Variants in CDON observed in about 807,000 individuals in gnomAD.
CDON encodes the protein cell adhesion associated, oncogene regulated.
A neutral mutation model predicts 120.9 loss-of-function variants in CDON; 73 were observed. That is an observed-to-expected ratio of 0.60 (90% confidence interval 0.50 to 0.73). CDON has a LOEUF of 0.73. Among genes scored for constraint, CDON ranks in the 30% least tolerant of loss-of-function variants. CDON has a pLI of 0.00. For synonymous variants in CDON, 566 were observed against 573.5 expected (o/e 0.99, Z 0.19); for missense variants, 1,470 against 1,587.3 (o/e 0.93, Z 1.26).
In CDON at chr11:126,062,563, A is replaced by G; in HGVS notation, c.-62+16T>C. 1 of 149,790 alleles carries G rather than the reference A, an allele frequency of 6.7e-6. No homozygotes were observed. The highest frequency in any genetic ancestry group is 1.5e-5 in the Non-Finnish European group (1 of 67,514). 9.3% of individuals were successfully genotyped at this position (149,790 alleles called of 1,614,324 possible). ...CCCCTCCCTCCGACCCTGCGGCGGG[A>G]CCCCCACCCCCGCACCTCTCCGCGG... is the stretch of plus-strand genomic sequence containing the variant. On this transcript the variant is annotated intron_variant, in intron 1 of 19. Transcript: ENST00000531738.
In CDON at chr11:125,994,347, A is replaced by G. The variant is rs1347039743; in HGVS notation, c.2587T>C (p.Tyr863His). 1 of 1,599,136 alleles carries G rather than the reference A, an allele frequency of 6.3e-7. No individual in the cohort carries two copies. Among genetic ancestry groups the G allele is most frequent in the Non-Finnish European group, 8.6e-7 (1 of 1,166,432 alleles). Reference protein sequence around the residue: ...SNNNTPIQGFYIYYRPTDSDN... With the variant: ...SNNNTPIQGFHIYYRPTDSDN... ...CTATCTGTTGGTCGGTAATAGATAT[A>G]AAATCCTTGAATGGGAGTGTTATTG... The change falls in exon 14 of 20, where the codon TAT becomes CAT. Residue 863 changes from tyrosine (Y) to histidine (H), a missense_variant. Physicochemically the swap from Tyr to His is moderately conservative, Grantham distance 83. Transcript: ENST00000531738.
chr11:125,971,343 A>G (rs1228118827), intron 18 of CDON, among the ~76,000 whole-genome samples: 1 of 152,012 alleles, frequency 6.6e-6, no homozygotes, highest in South Asian at 2.1e-4. Flanking sequence ...AGATCGCACC[A>G]CTGCACTCCA....
chr11:126,006,236 T>C (rs1438111468), intron 8 of CDON, among the ~76,000 whole-genome samples, 179 bp from the exon 9 acceptor site: 1 of 152,216 alleles, frequency 6.6e-6, no homozygotes, highest in Admixed American at 6.5e-5. Context: ...TTGCAATCTT[T>C]TCTCATGGTG....
At chr11:125,962,102 T>C (rs1945662910) in intron 18 of CDON, 104 bp from the exon 19 acceptor site, 7 of 892,124 alleles carry the variant, frequency 7.8e-6, no homozygotes, top group Admixed American at 4.0e-5. Context: ...TCACAGACTC[T>C]TAAGAAAGAG....
intron 1 of CDON, among the ~76,000 whole-genome samples, chr11:126,056,050 C>A (rs893661051): frequency 2.0e-5 from 3 of 152,142 alleles, no homozygotes; most frequent in African/African-American, 7.2e-5. Context: ...CCATAAAAGC[C>A]TATTTCATGG....
At chr11:126,052,245 A>G (rs935174771) in intron 1 of CDON, among the ~76,000 whole-genome samples, 5 of 152,198 alleles carry the variant, frequency 3.3e-5, no homozygotes, top group Admixed American at 6.5e-5. Flanking sequence ...AATTTAAAAC[A>G]TGGTGACTAG....
chr11:125,981,351 G>C, intron 16 of CDON, 22 bp from the exon 17 acceptor site: 2 of 1,604,528 alleles, frequency 1.2e-6, no homozygotes, highest in Non-Finnish European at 1.7e-6. Context: ...GAACAAAAAA[G>C]ACACACACGC....
Position 125,981,963 on chromosome 11 carries a change from C to CTTTTT in CDON, c.2996-635_2996-634insAAAAA, listed in dbSNP as rs1565501813. On this transcript the variant is annotated intron_variant, in intron 16 of 19. Coordinates refer to ENST00000531738, the MANE Select transcript of CDON (RefSeq NM_001378964.1). ...GGAGTACCAAAGGCAAAAAGTGATT[C>CTTTTT]TATTTTCTTTTTTTTTTTTTTTTTT... Among the ~76,000 whole-genome samples the CTTTTT allele has an allele frequency of 8.1e-3, 275 of 34,094 alleles. 24 individuals carry two copies. Among genetic ancestry groups the CTTTTT allele is most frequent in the East Asian group, 0.017 (15 of 886 alleles). 22.4% of individuals were successfully genotyped at this position (34,094 alleles called of 152,430 possible).
chr11:125,984,069 T>C lies in CDON; in HGVS notation c.2798A>G (p.Glu933Gly), dbSNP rs540603585. The change falls in exon 16 of 20, where the codon GAA becomes GGA. Residue 933 changes from glutamate (E) to glycine (G), a missense_variant. Transcript: ENST00000531738. ...GGTACTCAAGTCTTTGACAGGATAT[T>C]CAGAAGCTCCAGGAACACGTTTCAC... ...TKVKRVPGAS[E>G]YPVKDLSTPP... is the part of the protein sequence containing the mutation. 6.2e-7 allele frequency: 1 copy of C among 1,613,312 alleles called. No homozygotes were observed. The highest frequency in any genetic ancestry group is 1.7e-5 in the Admixed American group (1 of 60,026).
intron 12 of CDON, among the ~76,000 whole-genome samples, chr11:125,996,329 G>C (rs1018674774): frequency 6.6e-6 from 1 of 152,042 alleles, no homozygotes; most frequent in Admixed American, 6.6e-5. Context: ...TCTACTAAAA[G>C]TTGAGTTTGT....
intron 8 of CDON, among the ~76,000 whole-genome samples, chr11:126,008,777 T>C (rs1947204409): frequency 6.6e-6 from 1 of 152,222 alleles, no homozygotes. Flanking sequence ...CGCACATTCA[T>C]TTATAGGTGC....
At chr11:126,042,569 T>G (rs1483182673) in intron 1 of CDON, among the ~76,000 whole-genome samples, 1 of 152,238 alleles carries the variant, frequency 6.6e-6, no homozygotes, top group Non-Finnish European at 1.5e-5. Context: ...TACCAATTAT[T>G]AGGTTTATAA....
At chr11:126,041,759 A>G (rs908439423) in intron 1 of CDON, among the ~76,000 whole-genome samples, 3 of 152,228 alleles carry the variant, frequency 2.0e-5, no homozygotes, top group Non-Finnish European at 4.4e-5. Flanking sequence ...TTTGGTAAAT[A>G]TGTAAGGAAA....
chr11:125,964,673 CG>C (rs1276281380), intron 18 of CDON, among the ~76,000 whole-genome samples: 2 of 151,560 alleles, frequency 1.3e-5, no homozygotes, highest in Non-Finnish European at 2.9e-5. Flanking sequence ...ATAAAAGACA[CG>C]GGGAGCAATT....
At chr11:126,031,766 C>A (rs777572231) in intron 1 of CDON, among the ~76,000 whole-genome samples, 2 of 152,088 alleles carry the variant, frequency 1.3e-5, no homozygotes, top group South Asian at 4.1e-4. Context: ...AGTTTGAATG[C>A]GAGGTAACTA....
chr11:125,980,403 A>C (rs1946263633), intron 17 of CDON, among the ~76,000 whole-genome samples: 2 of 152,238 alleles, frequency 1.3e-5, no homozygotes, highest in South Asian at 4.1e-4. Context: ...AAACAAAAGA[A>C]GCCCATGAAA....
At chr11:126,003,327 G>A (rs781085396) in intron 10 of CDON, among the ~76,000 whole-genome samples, 18 of 152,048 alleles carry the variant, frequency 1.2e-4, no homozygotes, top group African/African-American at 2.4e-4. Flanking sequence ...AAGCTCTGTC[G>A]GGATGGATCT....
chr11:125,973,018 C>CTTTTTTTTTTTTTTTTTTTTTTTTTTT (rs35828939), intron 18 of CDON, among the ~76,000 whole-genome samples: 3 of 87,070 alleles, frequency 3.4e-5, no homozygotes, highest in Admixed American at 1.4e-4. Flanking sequence ...ATTACTTGGT[C>CTTTTTTTTTTTTTTTTTTTTTTTTTTT]TTTTTTTTTT....
chr11:125,994,743 G>C (rs927160727), intron 13 of CDON, 128 bp downstream of exon 13: 2 of 790,644 alleles, frequency 2.5e-6, no homozygotes, highest in East Asian at 5.3e-5. Context: ...ACAAATATTG[G>C]TGCCCTTGCA....
Sources: allele counts gnomAD v4.1 joint callset (sites outside exome capture counted in the v4.1 genomes callset), GRCh38; gene constraint gnomAD v4.1.1; transcripts MANE v1.5; gene names NCBI Gene and HGNC (gene_info 2026-07-23, HGNC 2026-07-21).